The following FSTL5 variants were observed in gnomAD, a reference collection of about 807,000 sequenced individuals.
FSTL5 encodes follistatin-related protein 5.
Under a neutral mutation model 89.1 loss-of-function variants are expected in FSTL5, and 62 were observed. That is an observed-to-expected ratio of 0.70 (90% CI 0.57 to 0.86). The LOEUF (loss-of-function observed/expected upper bound fraction) is 0.86. Among genes scored for constraint, FSTL5 ranks in the 40% least tolerant of loss-of-function variants. FSTL5 has a pLI of 0.00. For missense variants in FSTL5, 1,057 were observed against 1,001.6 expected, an observed-to-expected ratio of 1.06 and a Z score of -0.75; for synonymous variants, 383 against 346.2, an observed-to-expected ratio of 1.11 and a Z score of -1.18.
At chr4:161,812,517 AAC>A (rs3077014) in intron 4 of FSTL5, among the ~76,000 whole-genome samples, 1 of 151,220 alleles carries the variant, frequency 6.6e-6, no homozygotes, top group African/African-American at 2.4e-5. Context: ...AGTTAAGAAA[AAC>A]ACACACACAC....
At chr4:161,698,584 G>T (rs1158559398) in intron 6 of FSTL5, among the ~76,000 whole-genome samples, 1 of 152,148 alleles carries the variant, frequency 6.6e-6, no homozygotes, top group Non-Finnish European at 1.5e-5. Context: ...GAAATTCACA[G>T]CATTAATGAA....
At chr4:161,489,945 T>C (rs1462059951) in intron 12 of FSTL5, among the ~76,000 whole-genome samples, 5 of 152,138 alleles carry the variant, frequency 3.3e-5, no homozygotes, top group Admixed American at 6.5e-5. Context: ...TCCTATCTTG[T>C]AGAATTCATT....
intron 8 of FSTL5, among the ~76,000 whole-genome samples, chr4:161,565,176 GC>G (rs1732753859): frequency 2.0e-5 from 3 of 151,614 alleles, no homozygotes; most frequent in African/African-American, 7.3e-5. Flanking sequence ...ACTAATCAAA[GC>G]CCTCCAATCT....
At chr4:161,971,732 T>C (rs920897026) in intron 3 of FSTL5, among the ~76,000 whole-genome samples, 1 of 152,210 alleles carries the variant, frequency 6.6e-6, no homozygotes, top group South Asian at 2.1e-4. Context: ...ACACTAGTTA[T>C]AGACTATGTG....
intron 15 of FSTL5, among the ~76,000 whole-genome samples, chr4:161,427,637 G>A (rs774428295): frequency 3.3e-5 from 5 of 152,188 alleles, no homozygotes; most frequent in Non-Finnish European, 7.3e-5. Context: ...TCAAAAAGGT[G>A]TGTCCCTAAA....
intron 4 of FSTL5, among the ~76,000 whole-genome samples, chr4:161,870,810 A>T (rs1280271773): frequency 1.3e-5 from 2 of 152,134 alleles, no homozygotes; most frequent in Non-Finnish European, 2.9e-5. Context: ...CTGCTAGGAA[A>T]CATCCCAGAC....
intron 1 of FSTL5, among the ~76,000 whole-genome samples, chr4:162,135,120 C>T: frequency 6.6e-6 from 1 of 152,088 alleles, no homozygotes; most frequent in Non-Finnish European, 1.5e-5. Context: ...ACTTAATTAG[C>T]TCATTATGGA....
intron 15 of FSTL5, among the ~76,000 whole-genome samples, chr4:161,426,834 A>G (rs17397573): frequency 0.08 from 12,192 of 152,298 alleles, 620 homozygotes; most frequent in Non-Finnish European, 0.12. Context: ...AGCCACACTT[A>G]AAACGTTTGC....
intron 15 of FSTL5, among the ~76,000 whole-genome samples, chr4:161,406,081 AT>A (rs1269585063): frequency 6.6e-6 from 1 of 152,200 alleles, no homozygotes; most frequent in Admixed American, 6.5e-5. Context: ...TTTGGACAAA[AT>A]CCTATAAAAA....
At chr4:161,532,439 C>T (rs185406942) in intron 10 of FSTL5, among the ~76,000 whole-genome samples, 1 of 152,270 alleles carries the variant, frequency 6.6e-6, no homozygotes, top group Admixed American at 6.5e-5. Flanking sequence ...TTATACTCTT[C>T]AGTTACAACA....
chr4:162,150,501 T>G (rs1733185314), intron 1 of FSTL5, among the ~76,000 whole-genome samples: 1 of 152,208 alleles, frequency 6.6e-6, no homozygotes, highest in Admixed American at 6.6e-5. Context: ...TTTCATTGAT[T>G]CTGTACAATG....
At chr4:161,805,404 A>G (rs1476749304) in intron 4 of FSTL5, among the ~76,000 whole-genome samples, 1 of 150,710 alleles carries the variant, frequency 6.6e-6, no homozygotes, top group Non-Finnish European at 1.5e-5. Context: ...CATTTCAGAT[A>G]AGAGAAATGT....
Position 161,437,564 on chromosome 4 carries a change from T to TCAAAGAAAAAAAAAAAAAAAAAAAA in FSTL5, c.1841+17439_1841+17440insTTTTTTTTTTTTTTTTTTTTCTTTG, listed in dbSNP as rs1560894764. Among the ~76,000 whole-genome samples, 77 of 25,028 alleles carry TCAAAGAAAAAAAAAAAAAAAAAAAA rather than the reference T, an allele frequency of 3.1e-3. 2 individuals carry two copies. Among genetic ancestry groups the TCAAAGAAAAAAAAAAAAAAAAAAAA allele is most frequent in the African/African-American group, 0.012 (71 of 5,810 alleles). The allele number at this position is 25,028 out of a possible 152,430, so 16.4% of individuals were successfully genotyped here. On this transcript the variant is annotated intron_variant, in intron 15 of 15. Transcript: ENST00000306100. Reference sequence around the variant, plus strand: ...CCTGGTGACAGAGTGAGACTCCGTCTCAAAAAAAAAAAAAAAAACGAGGTC... The same window carrying TCAAAGAAAAAAAAAAAAAAAAAAAA: ...CCTGGTGACAGAGTGAGACTCCGTCTCAAAGAAAAAAAAAAAAAAAAAAAACAAAAAAAAAAAAAAAAACGAGGTC...
At chr4:161,463,214 C>T (rs114141830) in intron 13 of FSTL5, among the ~76,000 whole-genome samples, 1 of 152,024 alleles carries the variant, frequency 6.6e-6, no homozygotes, top group African/African-American at 2.4e-5. Flanking sequence ...GTCTGCTCAA[C>T]GATTTCCAAA....
intron 3 of FSTL5, among the ~76,000 whole-genome samples, chr4:161,931,402 G>T (rs887386236): frequency 4.0e-5 from 6 of 151,866 alleles, no homozygotes; most frequent in African/African-American, 1.4e-4. Flanking sequence ...AAGTTGGAAA[G>T]AGAAGAGACA....
chr4:161,409,391 A>T (rs574524345), intron 15 of FSTL5, among the ~76,000 whole-genome samples: 224 of 151,386 alleles, frequency 1.5e-3, no homozygotes, highest in East Asian at 8.2e-3. Flanking sequence ...TATTATTATT[A>T]TTATTTTTTT....
chr4:161,419,364 C>G (rs13145904), intron 15 of FSTL5, among the ~76,000 whole-genome samples: 17,766 of 151,906 alleles, frequency 0.12, 1,130 homozygotes, highest in Admixed American at 0.13. Context: ...TTTTGCATAG[C>G]ATTTTAAAAA....
intron 15 of FSTL5, among the ~76,000 whole-genome samples, chr4:161,411,127 A>G (rs28749316): frequency 0.1 from 15,686 of 152,172 alleles, 831 homozygotes; most frequent in Non-Finnish European, 0.12. Context: ...ATCTCTCGAG[A>G]TCGAATCAGG....
At chr4:161,661,607 C>T (rs908597282) in intron 6 of FSTL5, among the ~76,000 whole-genome samples, 8 of 151,994 alleles carry the variant, frequency 5.3e-5, no homozygotes, top group Admixed American at 1.3e-4. Flanking sequence ...CATATTTTGT[C>T]AGGAAATAGG....
Sources: allele counts gnomAD v4.1 joint callset (sites outside exome capture counted in the v4.1 genomes callset), GRCh38; gene constraint gnomAD v4.1.1; transcripts MANE v1.5; gene names NCBI Gene and HGNC (gene_info 2026-07-23, HGNC 2026-07-21).